The following CXCL14 variants were observed in gnomAD, a reference collection of about 807,000 sequenced individuals.
The protein encoded by CXCL14 is C-X-C motif chemokine 14.
In CXCL14, 9 loss-of-function variants were observed where a neutral mutation model predicts 16.1. The observed-to-expected ratio is 0.56, with a 90% CI of 0.34 to 0.97. The LOEUF (loss-of-function observed/expected upper bound fraction) is 0.97. CXCL14 is among the 50% of genes least tolerant of loss of function. The probability of loss-of-function intolerance (pLI) is 0.02; values close to 1 mark genes in which losing one functional copy is unlikely to be tolerated. For missense variants in CXCL14, 111 were observed against 132.5 expected, an observed-to-expected ratio of 0.84 and a Z score of 0.80; for synonymous variants, 55 against 52.8, an observed-to-expected ratio of 1.04 and a Z score of -0.18.
chr5:135,574,606 T>C lies in CXCL14; in HGVS notation c.250A>G (p.Ile84Val). 1 of 1,613,424 alleles carries C rather than the reference T, an allele frequency of 6.2e-7. No homozygotes were observed. The highest frequency in any genetic ancestry group is 8.5e-7 in the Non-Finnish European group (1 of 1,179,888). The change falls in exon 3 of 4, where the codon ATC (isoleucine) becomes GTC (valine). Residue 84 changes from isoleucine (I) to valine (V), a missense_variant. By Grantham distance (29) the Ile-to-Val change is conservative. Coordinates refer to ENST00000512158, the MANE Select transcript of CXCL14 (RefSeq NM_004887.5). ...TCGTTCCAGGCGTTGTACCACTTGA[T>C]GAAGCGCTTGGTGCTCTGCAGCTTG... ...HPKLQSTKRFIKWYNAWNEKR... is the reference protein window; with the variant it reads ...HPKLQSTKRFVKWYNAWNEKR...
chr5:135,570,852 G>T lies in CXCL14; in HGVS notation c.*1001C>A. On this transcript the variant is annotated 3_prime_UTR_variant, in exon 4 of 4. Coordinates refer to ENST00000512158, the MANE Select transcript of CXCL14 (RefSeq NM_004887.5). ...CGTTCTTAAGGGTATATGTACAGAG[G>T]AAAGGGCGCATGGTCATCTTAGCTT... 6.6e-6 allele frequency: 1 copy of T among 152,390 alleles called. No individual in the cohort carries two copies. The highest frequency in any genetic ancestry group is 1.5e-5 in the Non-Finnish European group (1 of 68,104). 9.4% of individuals were successfully genotyped at this position (152,390 alleles called of 1,614,324 possible).
At position 135,578,941 on chromosome 5, in the gene CXCL14, C is replaced by A. The variant is rs1361977103; in HGVS notation, c.-163G>T. The stretch of plus-strand genomic sequence containing the variant: ...CTGCGCCGTCGGTGGATGCCCAGGG[C>A]TGTCTGTGGCCGTGCGCTGCGCTCT... On this transcript the variant is annotated 5_prime_UTR_variant, in exon 1 of 4. Transcript: ENST00000512158. 1 of 692,624 alleles carries A rather than the reference C, an allele frequency of 1.4e-6. No individual in the cohort carries two copies. The highest frequency in any genetic ancestry group is 3.8e-5 in the Admixed American group (1 of 26,428). 42.9% of individuals were successfully genotyped at this position (692,624 alleles called of 1,614,324 possible).
chr5:135,573,095 G>C (rs865896071), intron 3 of CXCL14, among the ~76,000 whole-genome samples: 6 of 152,236 alleles, frequency 3.9e-5, no homozygotes, highest in Middle Eastern at 6.8e-3. Context: ...TTTCCAGGCT[G>C]CAGCTCAGGT....
intron 3 of CXCL14, among the ~76,000 whole-genome samples, chr5:135,573,709 CGTGTGTGTGTGTGTGT>C (rs3057739): frequency 6.9e-6 from 1 of 145,422 alleles, no homozygotes; most frequent in Non-Finnish European, 1.5e-5. Context: ...TGCATGCATG[CGTGTGTGTGTGTGTGT>C]GTGTGTGTGT....
Position 135,571,862 on chromosome 5 carries a change from G to T in CXCL14, c.291C>A (p.Tyr97Ter), listed in dbSNP as rs2547. Residue 97 changes from tyrosine to a stop codon, truncating the protein, a stop_gained, in exon 4 of 4, where the codon TAC becomes TAA. Transcript: ENST00000512158. LOFTEE classifies it high-confidence loss of function. ...YNAWNEKRRVYEE is the reference protein window; with the variant it reads ...YNAWNEKRRV ...TCTGAGGTTTTTCACCCTATTCTTC[G>T]TAGACCCTGGGGAGAAAAAACACAT... 21 of 1,583,610 alleles carry T rather than the reference G, an allele frequency of 1.3e-5. No homozygotes were observed. The highest frequency in any genetic ancestry group is 3.4e-6 in the Non-Finnish European group (4 of 1,165,454).
At position 135,578,556 on chromosome 5, in the gene CXCL14, G is replaced by A. The variant is rs1235313873; in HGVS notation, c.65-17C>T. ...ATTTGGACCCTGCGAGCGAGCGCGG[G>A]GCAACGGCTTAGTTGCTAGGCGGTC... On this transcript the variant is annotated splice_polypyrimidine_tract_variant and intron_variant, in intron 1 of 3. Transcript: ENST00000512158. The A allele has an allele frequency of 6.2e-7, 1 of 1,612,790 alleles. No individual in the cohort carries two copies.
intron 3 of CXCL14, among the ~76,000 whole-genome samples, chr5:135,572,447 G>C (rs905569750): frequency 5.3e-5 from 8 of 152,224 alleles, no homozygotes; most frequent in African/African-American, 1.9e-4. Flanking sequence ...GGGTGGGGCA[G>C]TGGTGCAGGA....
In CXCL14 at chr5:135,572,286, C is replaced by T. The variant is rs559293880; in HGVS notation, c.285-418G>A. The stretch of plus-strand genomic sequence containing the variant: ...TTCTTTCCGCGTCTGTACTCAGCCT[C>T]TCTATTTAGAGAAAATAGCAAGGGT... On this transcript the variant is annotated intron_variant, in intron 3 of 3. Transcript: ENST00000512158. Among the ~76,000 whole-genome samples the T allele has an allele frequency of 9.2e-5, 14 of 152,342 alleles. No individual in the cohort carries two copies. In the East Asian group the frequency reaches 2.5e-3, roughly 27 times the overall value.
At chr5:135,576,059 ATG>A (rs1180634975) in intron 2 of CXCL14, among the ~76,000 whole-genome samples, 2 of 152,204 alleles carry the variant, frequency 1.3e-5, no homozygotes, top group Non-Finnish European at 2.9e-5. Context: ...TGGGGGCATA[ATG>A]TTCCTAGGCA....
intron 1 of CXCL14, 64 bp from the exon 2 acceptor site, chr5:135,578,603 G>A: frequency 6.3e-7 from 1 of 1,599,130 alleles, no homozygotes. Flanking sequence ...GACCACCTTG[G>A]TGCCCACCCA....
chr5:135,577,484 G>A (rs1319441519), intron 2 of CXCL14, among the ~76,000 whole-genome samples: 5 of 152,224 alleles, frequency 3.3e-5, no homozygotes, highest in Non-Finnish European at 7.3e-5. Flanking sequence ...CCCTAGACGG[G>A]GATGGGGGGT....
intron 2 of CXCL14, among the ~76,000 whole-genome samples, chr5:135,576,292 C>G (rs1002888701): frequency 1.3e-5 from 2 of 152,212 alleles, no homozygotes; most frequent in Non-Finnish European, 2.9e-5. Context: ...AGTCACCCTG[C>G]AGGAATTTAG....
At position 135,574,692 on chromosome 5, in the gene CXCL14, C is replaced by T. The variant is rs17168623; in HGVS notation, c.171-7G>A. 0.012 allele frequency: 19,803 copies of T among 1,610,692 alleles called. 1,978 individuals are homozygous for T. In the African/African-American group the frequency reaches 0.22, roughly 18 times the overall value. ...CACGCTCTTGGTGGTGATGCTGAAA[C>T]GGAGCAGGATGAGGTGGAGGGTTGA... On this transcript the variant is annotated splice_region_variant and splice_polypyrimidine_tract_variant and intron_variant, in intron 2 of 3. Coordinates refer to ENST00000512158, the MANE Select transcript of CXCL14 (RefSeq NM_004887.5).
chr5:135,571,951 C>T (rs749154960), intron 3 of CXCL14, 83 bp from the exon 4 acceptor site: 93 of 1,414,912 alleles, frequency 6.6e-5, no homozygotes, highest in Non-Finnish European at 8.2e-5. Flanking sequence ...GCTTCATTCA[C>T]GTCTGGTCTG....
At chr5:135,574,205 A>G (rs1373051852) in intron 3 of CXCL14, among the ~76,000 whole-genome samples, 1 of 152,268 alleles carries the variant, frequency 6.6e-6, no homozygotes, top group Admixed American at 6.5e-5. Flanking sequence ...ACCCCACTGA[A>G]GTCCTCAGAG....
chr5:135,574,744 G>A, intron 2 of CXCL14, 59 bp from the exon 3 acceptor site: 4 of 1,394,618 alleles, frequency 2.9e-6, no homozygotes, highest in Non-Finnish European at 4.1e-6. Flanking sequence ...GTTGCCTCTT[G>A]TGTGGCCTGT....
At position 135,574,538 on chromosome 5, in the gene CXCL14, G is replaced by T. The variant is rs1751069852; in HGVS notation, c.284+34C>A. Reference sequence around the variant, plus strand: ...CATCCTGAGAGCCACAGCTGGGTCTGGTGGGAAGGAAGGTGAGTAGAGGCG... The same window carrying T: ...CATCCTGAGAGCCACAGCTGGGTCTTGTGGGAAGGAAGGTGAGTAGAGGCG... On this transcript the variant is annotated intron_variant, in intron 3 of 3. Transcript: ENST00000512158. 5 of 1,573,082 alleles carry T rather than the reference G, an allele frequency of 3.2e-6. No homozygotes were observed. In the South Asian group the frequency reaches 5.6e-5, roughly 18 times the overall value.
At chr5:135,573,525 A>C (rs1483582250) in intron 3 of CXCL14, among the ~76,000 whole-genome samples, 2 of 151,984 alleles carry the variant, frequency 1.3e-5, no homozygotes, top group Non-Finnish European at 2.9e-5. Flanking sequence ...CTATGGCTGT[A>C]CCTTCCACCC....
intron 2 of CXCL14, among the ~76,000 whole-genome samples, chr5:135,577,005 C>T (rs890885535): frequency 8.5e-5 from 13 of 152,094 alleles, no homozygotes; most frequent in Admixed American, 2.0e-4. Flanking sequence ...GGCCCCTGCA[C>T]GTTTCTACAA....
Sources: allele counts gnomAD v4.1 joint callset (sites outside exome capture counted in the v4.1 genomes callset), GRCh38; gene constraint gnomAD v4.1.1; transcripts MANE v1.5; gene names NCBI Gene and HGNC (gene_info 2026-07-23, HGNC 2026-07-21).